The following GATA6 variants were observed in gnomAD, a reference collection of about 807,000 sequenced individuals.
GATA6 encodes the protein GATA binding protein 6, also known as transcription factor GATA-6.
In GATA6, 11 loss-of-function variants were observed where a neutral mutation model predicts 48.1. That is an observed-to-expected ratio of 0.23 (90% CI 0.14 to 0.38). The LOEUF is 0.38. Ranked by LOEUF, GATA6 falls within the 10% of genes least tolerant of loss-of-function variation. The pLI, the probability that GATA6 is intolerant of heterozygous loss-of-function variation, is 1.00. For missense variants in GATA6, 795 were observed against 850.3 expected (o/e 0.93, Z 0.81); for synonymous variants, 419 against 396.1 (o/e 1.06, Z -0.69).
rs562588574 is a variant in GATA6 at position 22,172,111 on chromosome 18, T to TACC, written c.996_998dup (p.His333dup). ...GGCCGCGCGGCCGCTGAACGGGACGTACCACCACCACCACCACCACCACCA... is the reference window on the plus strand; with the variant it reads ...GGCCGCGCGGCCGCTGAACGGGACGTACCACCACCACCACCACCACCACCACCA... On this transcript the variant is annotated inframe_insertion, in exon 2 of 7. Coordinates refer to ENST00000269216, the MANE Select transcript of GATA6 (RefSeq NM_005257.6). The surrounding 1 kb of genome is among the most constrained non-coding windows in gnomAD (Gnocchi z 5.2). 1.2e-3 allele frequency: 1,795 copies of TACC among 1,463,724 alleles called. 3 individuals carry two copies. Among genetic ancestry groups the TACC allele is most frequent in the African/African-American group, 2.5e-3 (175 of 70,256 alleles). The allele number at this position is 1,463,724 out of a possible 1,614,324, so 90.7% of individuals were successfully genotyped here.
intron 6 of GATA6, among the ~76,000 whole-genome samples, chr18:22,199,900 C>CA (rs35638046): frequency 0.19 from 12,661 of 67,562 alleles, 1,165 homozygotes; most frequent in African/African-American, 0.31. Flanking sequence ...GACTCTGTTT[C>CA]AAAAAAAAAA....
intron 3 of GATA6, 35 bp downstream of exon 3, chr18:22,177,156 C>G (rs1297074660): frequency 6.6e-6 from 10 of 1,525,558 alleles, no homozygotes; most frequent in Non-Finnish European, 8.8e-6. Flanking sequence ...GGCTCGCGGC[C>G]GGCCCCGGGC....
Position 22,171,797 on chromosome 18 carries a change from G to C in GATA6, c.653G>C (p.Gly218Ala). Residue 218 changes from glycine to alanine, a missense_variant, in exon 2 of 7, where the codon GGC becomes GCC. This residue lies in a region of GATA6 where 591 missense variants were observed against 570.0 expected (regional missense o/e 1.04). Transcript: ENST00000269216. The surrounding 1 kb of genome is among the most constrained non-coding windows in gnomAD (Gnocchi z 7.1). ...SGSGPANHAG[G>A]AGAHPGWPQA... is the part of the protein sequence containing the mutation. ...AGTGGGCCAGCCAACCACGCGGGCG[G>C]CGCGGGCGCGCACCCCGGCTGGCCT... The C allele has an allele frequency of 3.1e-6, 4 of 1,302,468 alleles. No homozygotes were observed. Among genetic ancestry groups the C allele is most frequent in the Non-Finnish European group, 3.9e-6 (4 of 1,033,806 alleles). 80.7% of individuals were successfully genotyped at this position (1,302,468 alleles called of 1,614,324 possible). A position where few individuals can be genotyped will look rare whatever the true frequency, so the allele number is the denominator to read the frequency against.
intron 2 of GATA6, 110 bp from the exon 3 acceptor site, chr18:22,176,845 C>G: frequency 7.8e-7 from 1 of 1,288,050 alleles, no homozygotes; most frequent in South Asian, 1.5e-5. Context: ...GGGAAGGGCA[C>G]GGGCAGGGAA....
intron 3 of GATA6, chr18:22,180,236 G>A (rs2033176245): frequency 6.6e-6 from 1 of 151,360 alleles, no homozygotes. Context: ...TTTTTTAACT[G>A]AAGCTATGTC....
intron 6 of GATA6, among the ~76,000 whole-genome samples, chr18:22,186,389 T>G (rs2033262377): frequency 6.6e-6 from 1 of 152,164 alleles, no homozygotes; most frequent in Non-Finnish European, 1.5e-5. Context: ...TAAAAAACTG[T>G]TCCAGAGGCC....
At chr18:22,177,169 TCCTGGCCCGGCCGGCCCCGC>T in intron 3 of GATA6, 48 bp downstream of exon 3, 1 of 1,499,304 alleles carries the variant, frequency 6.7e-7, no homozygotes, top group Non-Finnish European at 8.9e-7. Context: ...CCCCGGGCTC[TCCTGGCCCGGCCGGCCCCGC>T]CCTGGCTCGG....
At chr18:22,177,993 C>T (rs1439563051) in intron 3 of GATA6, among the ~76,000 whole-genome samples, 3 of 106,534 alleles carry the variant, frequency 2.8e-5, no homozygotes, top group Non-Finnish European at 1.7e-5. Context: ...CGGAGTTTCA[C>T]TCTTGTTGCC....
rs1164004863 is a variant in GATA6, at chr18:22,202,348, A to G, written c.*1525A>G. On this transcript the variant is annotated 3_prime_UTR_variant, in exon 7 of 7. Transcript: ENST00000269216. ...CCCACGAACAGGGCGATTTCCTTTC[A>G]GTTTTTTCCTTTTGCAACGTGCCTT... is the stretch of plus-strand genomic sequence containing the variant. The G allele has an allele frequency of 6.6e-6, 1 of 152,160 alleles. No homozygotes were observed. The highest frequency in any genetic ancestry group is 1.5e-5 in the Non-Finnish European group (1 of 68,030). 9.4% of individuals were successfully genotyped at this position (152,160 alleles called of 1,614,324 possible).
rs534178630 is a variant in GATA6 at position 22,190,834 on chromosome 18, G to A, written c.1620+7791G>A. 4.6e-5 allele frequency among the ~76,000 whole-genome samples: 7 copies of A among 152,224 alleles called. No homozygotes were observed. In the East Asian group the frequency reaches 9.7e-4, roughly 21 times the overall value. ...TATTTTGTTGGCATTTTATCTTCAT[G>A]CTCCCTATGTGCCAGGCTCCCTTTC... On this transcript the variant is annotated intron_variant, in intron 6 of 6. Transcript: ENST00000269216.
intron 3 of GATA6, among the ~76,000 whole-genome samples, chr18:22,177,807 T>A (rs2033142454): frequency 6.6e-6 from 1 of 152,182 alleles, no homozygotes; most frequent in Non-Finnish European, 1.5e-5. Flanking sequence ...TATCTTGGAT[T>A]GCCCTTGAGC....
In GATA6 at chr18:22,171,343, A is replaced by T. The variant is rs923229630; in HGVS notation, c.199A>T (p.Thr67Ser). Residue 67 changes from threonine (T) to serine (S), a missense_variant, in exon 2 of 7, where the codon ACG becomes TCG. Thr to Ser is a moderately conservative substitution (Grantham distance 58). This residue lies in a region of GATA6 where 591 missense variants were observed against 570.0 expected (regional missense o/e 1.04). Coordinates refer to ENST00000269216, the MANE Select transcript of GATA6 (RefSeq NM_005257.6). This position sits in a 1 kb window ranked among gnomAD's most constrained non-coding sequence, Gnocchi z 7.1. ...CAACTGCGGGACGCCTCAGCTCGACACGGAGGCGGCGGCCGGACCCCCGGC... is the reference window on the plus strand; with the variant it reads ...CAACTGCGGGACGCCTCAGCTCGACTCGGAGGCGGCGGCCGGACCCCCGGC... ...ASNCGTPQLD[T>S]EAAAGPPARS... 3 of 1,586,878 alleles carry T rather than the reference A, an allele frequency of 1.9e-6. No homozygotes were observed. In the African/African-American group the frequency reaches 4.0e-5, roughly 21 times the overall value.
Position 22,200,903 on chromosome 18 carries a change from CA to C in GATA6, c.*81del. On this transcript the variant is annotated 3_prime_UTR_variant, in exon 7 of 7. Coordinates refer to ENST00000269216, the MANE Select transcript of GATA6 (RefSeq NM_005257.6). The stretch of plus-strand genomic sequence containing the variant: ...GTCTGCTTTTGTGCAGCGGTCCAGA[CA>C]GTGGCGACTGCGCTGACAGAACGTG... 2 of 1,406,584 alleles carry C rather than the reference CA, an allele frequency of 1.4e-6. No individual in the cohort carries two copies. Among genetic ancestry groups the C allele is most frequent in the Non-Finnish European group, 2.0e-6 (2 of 1,025,442 alleles). The allele number at this position is 1,406,584 out of a possible 1,614,324, so 87.1% of individuals were successfully genotyped here.
chr18:22,186,792 C>CTTAGCT (rs2033267459), intron 6 of GATA6, among the ~76,000 whole-genome samples: 1 of 152,204 alleles, frequency 6.6e-6, no homozygotes, highest in Non-Finnish European at 1.5e-5. Flanking sequence ...AGCCTCATGT[C>CTTAGCT]TTAGCTTTAT....
chr18:22,200,200 TGC>T (rs1555630699), intron 6 of GATA6, among the ~76,000 whole-genome samples: 1 of 147,768 alleles, frequency 6.8e-6, no homozygotes, highest in Non-Finnish European at 1.5e-5. Context: ...TGTGTGTGTG[TGC>T]GCGCGCACGC....
chr18:22,174,306 A>G (rs1245175647), intron 2 of GATA6, among the ~76,000 whole-genome samples: 2 of 152,144 alleles, frequency 1.3e-5, no homozygotes, highest in African/African-American at 4.8e-5. Flanking sequence ...CCTTTCCTCC[A>G]ATCTTCCAGC....
chr18:22,173,863 G>A (rs2033087913), intron 2 of GATA6, among the ~76,000 whole-genome samples: 1 of 152,208 alleles, frequency 6.6e-6, no homozygotes, highest in Non-Finnish European at 1.5e-5. Context: ...TTGAACTCTT[G>A]ACTTCAGGCG....
intron 2 of GATA6, among the ~76,000 whole-genome samples, chr18:22,173,101 G>A (rs532278449): frequency 6.6e-6 from 1 of 152,144 alleles, no homozygotes; most frequent in Admixed American, 6.5e-5. Context: ...ATTTTTTCCT[G>A]TATCTGGGAG....
intron 6 of GATA6, among the ~76,000 whole-genome samples, chr18:22,198,290 C>T (rs1490138172): frequency 6.6e-6 from 1 of 152,100 alleles, no homozygotes; most frequent in Non-Finnish European, 1.5e-5. Flanking sequence ...AGGCTGGTCT[C>T]AAATTCCTGG....
Sources: allele counts gnomAD v4.1 joint callset (sites outside exome capture counted in the v4.1 genomes callset), GRCh38; gene constraint gnomAD v4.1.1; regional missense constraint gnomAD v4.1.1; non-coding constraint Gnocchi (gnomAD v3.1); transcripts MANE v1.5; gene names NCBI Gene and HGNC (gene_info 2026-07-23, HGNC 2026-07-21).